ZDHHC11B: variants seen among roughly 807,000 people sequenced by gnomAD.
ZDHHC11B encodes zDHHC palmitoyltransferase 11B (putative).
ZDHHC11B carries 17 observed loss-of-function variants against 42.3 expected under a neutral mutation model. That is an observed-to-expected ratio of 0.40 (90% CI 0.27 to 0.60). ZDHHC11B has a LOEUF of 0.60. ZDHHC11B is among the 20% of genes least tolerant of loss of function. The pLI is 0.41. For missense variants in ZDHHC11B, 262 were observed against 463.2 expected (o/e 0.57, Z 3.99); for synonymous variants, 123 against 193.5 (o/e 0.64, Z 3.02).
At chr5:777,745 C>T (rs1355782160) in intron 1 of ZDHHC11B, among the ~76,000 whole-genome samples, 1 of 151,986 alleles carries the variant, frequency 6.6e-6, no homozygotes, top group African/African-American at 2.4e-5. Flanking sequence ...CCACTCCACT[C>T]AGGAGTCTAG....
chr5:715,507 T>G, intron 13 of ZDHHC11B, among the ~76,000 whole-genome samples: 1 of 150,612 alleles, frequency 6.6e-6, no homozygotes, highest in Non-Finnish European at 1.5e-5. Flanking sequence ...CTTCTTTCCT[T>G]GAAAGATTTT....
rs1355873852 is a variant in ZDHHC11B at position 767,423 on chromosome 5, C to T, written c.-32G>A. Reference sequence around the variant, plus strand: ...GCACACTGCACGCCTGTCTCATCTCCGTAGGCTGAGTAGAGCAGCTCCAAC... The same window carrying T: ...GCACACTGCACGCCTGTCTCATCTCTGTAGGCTGAGTAGAGCAGCTCCAAC... On this transcript the variant is annotated 5_prime_UTR_variant, in exon 3 of 14. Coordinates refer to ENST00000508859, the MANE Select transcript of ZDHHC11B (RefSeq NM_001351303.2). 36 of 1,574,672 alleles carry T rather than the reference C, an allele frequency of 2.3e-5. No individual in the cohort carries two copies. The highest frequency in any genetic ancestry group is 5.6e-5 in the South Asian group (5 of 89,050).
chr5:722,786 C>T lies in ZDHHC11B; in HGVS notation c.1059-5921G>A, dbSNP rs1222642075. Reference sequence around the variant, plus strand: ...GCAGAGGGGGTAATTAAGTGTGGTACGGGGTGGAACAGCCACAGAAGCAAA... The same window carrying T: ...GCAGAGGGGGTAATTAAGTGTGGTATGGGGTGGAACAGCCACAGAAGCAAA... On this transcript the variant is annotated intron_variant, in intron 12 of 13. Coordinates refer to ENST00000508859, the MANE Select transcript of ZDHHC11B (RefSeq NM_001351303.2). Among the ~76,000 whole-genome samples the T allele has an allele frequency of 2.0e-4, 31 of 151,248 alleles. 1 individual carries two copies. The highest frequency in any genetic ancestry group is 5.9e-4 in the African/African-American group (24 of 40,910).
At chr5:745,051 A>T in intron 9 of ZDHHC11B, 132 bp downstream of exon 9, 2 of 942,130 alleles carry the variant, frequency 2.1e-6, no homozygotes, top group Non-Finnish European at 3.2e-6. Context: ...TCACACACAG[A>T]CACACACACA....
At chr5:780,570 C>T (rs1266028124) in intron 1 of ZDHHC11B, among the ~76,000 whole-genome samples, 8 of 137,438 alleles carry the variant, frequency 5.8e-5, no homozygotes, top group South Asian at 4.3e-4. Flanking sequence ...GCAGCTTCGA[C>T]GGGAAAACGG....
rs376955611 is a variant in ZDHHC11B at position 714,930 on chromosome 5, C to G, written c.*7+1871G>C. On this transcript the variant is annotated intron_variant, in intron 13 of 13. Transcript: ENST00000508859. ...TCTTGCTCTAACCAACCCATGAGAC[C>G]TTGTTGTTGAAAAGGGCCTGGAGCC... Among the ~76,000 whole-genome samples the G allele has an allele frequency of 8.7e-3, 1,312 of 151,338 alleles. 4 individuals carry two copies. The highest frequency in any genetic ancestry group is 0.031 in the African/African-American group (1,253 of 40,868).
chr5:743,060 A>G (rs1445302946), intron 9 of ZDHHC11B, among the ~76,000 whole-genome samples: 1 of 149,886 alleles, frequency 6.7e-6, no homozygotes, highest in East Asian at 2.1e-4. Flanking sequence ...GAAGAACTCA[A>G]TCATTCTTTT....
intron 13 of ZDHHC11B, among the ~76,000 whole-genome samples, chr5:713,429 A>T (rs989315436): frequency 6.6e-6 from 1 of 152,024 alleles, no homozygotes; most frequent in Non-Finnish European, 1.5e-5. Flanking sequence ...CAAATTCAAC[A>T]TCTGAAATAT....
chr5:758,677 C>G (rs1384254347), intron 4 of ZDHHC11B, among the ~76,000 whole-genome samples: 2 of 150,394 alleles, frequency 1.3e-5, no homozygotes, highest in African/African-American at 5.0e-5. Context: ...GCAAGGGACT[C>G]CCCCCCACCA....
At chr5:742,333 G>A (rs1364696486) in intron 9 of ZDHHC11B, among the ~76,000 whole-genome samples, 1 of 146,650 alleles carries the variant, frequency 6.8e-6, no homozygotes, top group Non-Finnish European at 1.5e-5. Context: ...GTTTTTGTTT[G>A]TTTGTTGTTT....
chr5:717,137 G>A (rs1224613595), intron 12 of ZDHHC11B, among the ~76,000 whole-genome samples: 2 of 151,162 alleles, frequency 1.3e-5, no homozygotes, highest in African/African-American at 2.4e-5. Context: ...AGGGTCTTGT[G>A]GTAGCCAAGG....
intron 1 of ZDHHC11B, among the ~76,000 whole-genome samples, chr5:777,591 T>C (rs62332153): frequency 0.055 from 8,281 of 151,136 alleles, 368 homozygotes; most frequent in Non-Finnish European, 0.081. Context: ...TTCCGTTATC[T>C]GACCCCACCC....
At chr5:717,189 G>T (rs1455683629) in intron 12 of ZDHHC11B, among the ~76,000 whole-genome samples, 1 of 151,284 alleles carries the variant, frequency 6.6e-6, no homozygotes, top group Non-Finnish European at 1.5e-5. Flanking sequence ...GCGAAATGTG[G>T]GGCCCACAGG....
At chr5:763,071 G>GA (rs753047777) in intron 4 of ZDHHC11B, among the ~76,000 whole-genome samples, 10 of 151,802 alleles carry the variant, frequency 6.6e-5, no homozygotes, top group Non-Finnish European at 1.2e-4. Context: ...CCAATTTCCT[G>GA]AAAAACACAA....
At chr5:713,251 C>A (rs2126939836) in intron 13 of ZDHHC11B, among the ~76,000 whole-genome samples, 1 of 152,026 alleles carries the variant, frequency 6.6e-6, no homozygotes, top group Non-Finnish European at 1.5e-5. Flanking sequence ...ATTCACTTTT[C>A]AACTGTCTAT....
At position 757,417 on chromosome 5, in the gene ZDHHC11B, T is replaced by A. The variant is rs1201726265; in HGVS notation, c.223-1273A>T. On this transcript the variant is annotated intron_variant, in intron 4 of 13. Transcript: ENST00000508859. ...CACCAGGCCAGGGGGCTGCTGTCCC[T>A]CCTGACAGAGCCCCTCTCTGGAGCC... 5.3e-5 allele frequency among the ~76,000 whole-genome samples: 8 copies of A among 151,910 alleles called. 1 individual carries two copies. The highest frequency in any genetic ancestry group is 8.8e-5 in the Non-Finnish European group (6 of 67,928).
At chr5:720,024 C>G (rs1474355261) in intron 12 of ZDHHC11B, among the ~76,000 whole-genome samples, 2 of 151,758 alleles carry the variant, frequency 1.3e-5, no homozygotes, top group African/African-American at 4.9e-5. Context: ...GGGTTTGGTA[C>G]TATCTACAGT....
intron 1 of ZDHHC11B, among the ~76,000 whole-genome samples, chr5:776,371 A>C (rs1176414378): frequency 2.6e-5 from 4 of 151,824 alleles, no homozygotes; most frequent in African/African-American, 9.7e-5. Context: ...CAGGTCGCTG[A>C]CTGAGGGAGT....
intron 1 of ZDHHC11B, among the ~76,000 whole-genome samples, chr5:779,443 G>A (rs1401909616): frequency 1.3e-5 from 2 of 149,706 alleles, no homozygotes; most frequent in Non-Finnish European, 3.0e-5. Flanking sequence ...GACCACAGGG[G>A]GCTCCAGAGG....
Sources: allele counts gnomAD v4.1 joint callset (sites outside exome capture counted in the v4.1 genomes callset), GRCh38; gene constraint gnomAD v4.1.1; transcripts MANE v1.5; gene names NCBI Gene and HGNC (gene_info 2026-07-23, HGNC 2026-07-21).